Variants in ELP1 observed in about 807,000 individuals in gnomAD.
ELP1 encodes elongator complex protein 1.
Under a neutral mutation model 183.2 loss-of-function variants are expected in ELP1, and 131 were observed. That is an observed-to-expected ratio of 0.72 (90% CI 0.62 to 0.83). The LOEUF is 0.83. ELP1 is among the 40% of genes least tolerant of loss of function. The pLI, the probability that ELP1 is intolerant of heterozygous loss-of-function variation, is 0.00. For synonymous variants in ELP1, 555 were observed against 569.0 expected, an observed-to-expected ratio of 0.98 and a Z score of 0.35; for missense variants, 1,550 against 1,594.9, an observed-to-expected ratio of 0.97 and a Z score of 0.48.
At position 108,912,385 on chromosome 9, in the gene ELP1, T is replaced by TGG. The variant is rs761493072; in HGVS notation, c.1066_1067dup (p.Tyr357HisfsTer46). ...CCTGACAGAGAACATGCAGCCGGTA[T>TGG]GGGGTCACAGGGTCCCACATCAGAG... On this transcript the variant is annotated frameshift_variant, in exon 11 of 37. Transcript: ENST00000374647. LOFTEE classifies it high-confidence loss of function. The TGG allele has an allele frequency of 6.2e-7, 1 of 1,614,040 alleles. No homozygotes were observed. Among genetic ancestry groups the TGG allele is most frequent in the East Asian group, 2.2e-5 (1 of 44,896 alleles).
At chr9:108,912,164 CAAAT>C in intron 11 of ELP1, 96 bp downstream of exon 11, 1 of 933,632 alleles carries the variant, frequency 1.1e-6, no homozygotes, top group Non-Finnish European at 1.7e-6. Flanking sequence ...ACAGCCAAAA[CAAAT>C]AAAGATTCCC....
Position 108,929,749 on chromosome 9 carries a change from C to T in ELP1, c.303+20G>A. 1.2e-6 allele frequency: 2 copies of T among 1,613,310 alleles called. No homozygotes were observed. The highest frequency in any genetic ancestry group is 2.2e-5 in the South Asian group (2 of 91,054). On this transcript the variant is annotated intron_variant, in intron 3 of 36. Transcript: ENST00000374647. Reference sequence around the variant, plus strand: ...TTGAGGATGCTTGAGACTCCCCCCTCACTGGAGTCTTCCACTTACCTGTTG... The same window carrying T: ...TTGAGGATGCTTGAGACTCCCCCCTTACTGGAGTCTTCCACTTACCTGTTG...
chr9:108,903,306 T>C lies in ELP1; in HGVS notation c.1750+257A>G, dbSNP rs528768866. 2.0e-5 allele frequency among the ~76,000 whole-genome samples: 3 copies of C among 148,144 alleles called. No individual in the cohort carries two copies. In the South Asian group the frequency reaches 6.9e-4, roughly 34 times the overall value. On this transcript the variant is annotated intron_variant, in intron 15 of 36. Transcript: ENST00000374647. The stretch of plus-strand genomic sequence containing the variant: ...GTGTTCTCACTGTTCAGTTCCCACC[T>C]ATGAGTGAGAACATGCGGTGTTTGG...
chr9:108,884,871 A>C (rs1185150100), intron 29 of ELP1, among the ~76,000 whole-genome samples: 1 of 152,142 alleles, frequency 6.6e-6, no homozygotes, highest in Non-Finnish European at 1.5e-5. Context: ...ACTTGAGGCC[A>C]GGAGTTTCAG....
intron 29 of ELP1, among the ~76,000 whole-genome samples, chr9:108,885,907 G>C (rs567939155): frequency 4.6e-5 from 7 of 152,274 alleles, no homozygotes; most frequent in African/African-American, 1.7e-4. Flanking sequence ...AAAAGTACTG[G>C]GTAGTGAGTC....
At chr9:108,896,394 C>T in intron 25 of ELP1, 102 bp downstream of exon 25, 1 of 1,075,994 alleles carries the variant, frequency 9.3e-7, no homozygotes, top group Non-Finnish European at 1.4e-6. Context: ...CCTGCACTCA[C>T]AGAGTGATAG....
At chr9:108,886,456 G>T (rs1828125912) in intron 29 of ELP1, among the ~76,000 whole-genome samples, 1 of 152,084 alleles carries the variant, frequency 6.6e-6, no homozygotes, top group Non-Finnish European at 1.5e-5. Context: ...TGCCACAAGA[G>T]AAAAAGGGTA....
intron 16 of ELP1, among the ~76,000 whole-genome samples, chr9:108,902,368 C>T (rs546334205): frequency 2.2e-4 from 34 of 152,308 alleles, no homozygotes; most frequent in Admixed American, 9.8e-4. Flanking sequence ...ATTTCCATCA[C>T]ACTCCCAACA....
In ELP1 at chr9:108,874,944, A is replaced by C; in HGVS notation, c.3882T>G (p.Asn1294Lys). 2.5e-6 allele frequency: 4 copies of C among 1,612,586 alleles called. No homozygotes were observed. The highest frequency in any genetic ancestry group is 3.4e-6 in the Non-Finnish European group (4 of 1,178,682). ...TPVLGPNSTA[N>K]SIMASYQQQK... ...GTTGCTGATAAGATGCCATGATACT[A>C]TTTGCAGTAGAATTGGGACCTAGAA... The change falls in exon 36 of 37, where the codon AAT (asparagine) becomes AAG (lysine). Residue 1294 changes from asparagine (N) to lysine (K), a missense_variant. Coordinates refer to ENST00000374647, the MANE Select transcript of ELP1 (RefSeq NM_003640.5).
At chr9:108,872,382 C>T (rs934276072) in intron 36 of ELP1, among the ~76,000 whole-genome samples, 1 of 152,128 alleles carries the variant, frequency 6.6e-6, no homozygotes, top group Non-Finnish European at 1.5e-5. Context: ...GTTTACATTT[C>T]TCTCCACTAA....
At chr9:108,902,376 A>G (rs1828839873) in intron 16 of ELP1, among the ~76,000 whole-genome samples, 1 of 152,152 alleles carries the variant, frequency 6.6e-6, no homozygotes, top group South Asian at 2.1e-4. Flanking sequence ...CACACTCCCA[A>G]CAAAGGGAAT....
rs1827865227 is a variant in ELP1, at chr9:108,880,059, T to C, written c.3453A>G (p.Ala1151=). The part of the protein sequence containing the change: ...VRELKEQAQQ[A]GLDDEVPHGQ... ...CTTCACGCAGATACTCACCCAGACC[T>C]GCCTGCTGGGCTTGCTCCTTGAGCT... Residue 1151 remains alanine (A), a synonymous_variant, in exon 32 of 37, where the codon GCA becomes GCG. Coordinates refer to ENST00000374647, the MANE Select transcript of ELP1 (RefSeq NM_003640.5). 6.2e-7 allele frequency: 1 copy of C among 1,611,178 alleles called. No individual in the cohort carries two copies. Among genetic ancestry groups the C allele is most frequent in the African/African-American group, 1.3e-5 (1 of 74,984 alleles).
chr9:108,910,124 T>C (rs1253846735), intron 12 of ELP1, among the ~76,000 whole-genome samples: 1 of 152,220 alleles, frequency 6.6e-6, no homozygotes, highest in African/African-American at 2.4e-5. Context: ...AGCTTACATC[T>C]GATTCTTTTT....
At chr9:108,901,124 T>C (rs151012405) in intron 18 of ELP1, among the ~76,000 whole-genome samples, 83 of 152,258 alleles carry the variant, frequency 5.5e-4, no homozygotes, top group Non-Finnish European at 1.0e-3. Flanking sequence ...GGGATCTACA[T>C]AGTAATTCCA....
intron 11 of ELP1, among the ~76,000 whole-genome samples, chr9:108,911,789 T>C (rs1587908162): frequency 6.6e-6 from 1 of 151,424 alleles, no homozygotes; most frequent in East Asian, 2.0e-4. Context: ...CATTATAAAA[T>C]ATAAACCTAA....
intron 31 of ELP1, among the ~76,000 whole-genome samples, chr9:108,880,858 C>A (rs752986221): frequency 6.6e-6 from 1 of 152,088 alleles, no homozygotes; most frequent in African/African-American, 2.4e-5. Flanking sequence ...ACCCCAGCAA[C>A]GTTTTAATTA....
At chr9:108,921,235 C>T (rs1347764340) in intron 6 of ELP1, among the ~76,000 whole-genome samples, 1 of 152,014 alleles carries the variant, frequency 6.6e-6, no homozygotes, top group Non-Finnish European at 1.5e-5. Flanking sequence ...CAAAAGAAAC[C>T]CCATATCCAT....
intron 6 of ELP1, 116 bp from the exon 7 acceptor site, chr9:108,919,465 C>T: frequency 3.0e-6 from 2 of 673,826 alleles, no homozygotes; most frequent in South Asian, 1.8e-5. Context: ...ACTTTGAAAG[C>T]CTGCCTCTAG....
At chr9:108,894,292 C>A (rs888722500) in intron 25 of ELP1, among the ~76,000 whole-genome samples, 1 of 152,174 alleles carries the variant, frequency 6.6e-6, no homozygotes, top group Non-Finnish European at 1.5e-5. Context: ...CAAGCATACC[C>A]CAGTCCTACA....
Sources: allele counts gnomAD v4.1 joint callset (sites outside exome capture counted in the v4.1 genomes callset), GRCh38; gene constraint gnomAD v4.1.1; transcripts MANE v1.5; gene names NCBI Gene and HGNC (gene_info 2026-07-23, HGNC 2026-07-21).